Variants in NOL10 observed in about 807,000 individuals in gnomAD.
The protein encoded by NOL10 is nucleolar protein 10.
A neutral mutation model predicts 103.5 loss-of-function variants in NOL10; 58 were observed. The observed-to-expected ratio is 0.56, with a 90% CI of 0.45 to 0.70. NOL10 has a LOEUF of 0.70. NOL10 is among the 30% of genes least tolerant of loss of function. The pLI, the probability that NOL10 is intolerant of heterozygous loss-of-function variation, is 0.00. For missense variants in NOL10, 763 were observed against 807.3 expected, an observed-to-expected ratio of 0.95 and a Z score of 0.67; for synonymous variants, 287 against 282.5, an observed-to-expected ratio of 1.02 and a Z score of -0.16.
chr2:10,589,407 C>A (rs1675284706), intron 18 of NOL10, 117 bp from the exon 19 acceptor site: 1 of 1,381,880 alleles, frequency 7.2e-7, no homozygotes, highest in South Asian at 1.4e-5. Flanking sequence ...CTACTGCATG[C>A]ATCAGGAGAA....
At chr2:10,645,742 G>A (rs1035130398) in intron 12 of NOL10, among the ~76,000 whole-genome samples, 12 of 151,850 alleles carry the variant, frequency 7.9e-5, no homozygotes, top group Non-Finnish European at 1.3e-4. Context: ...TGTTAGCCAG[G>A]ACAGTCTCAA....
At chr2:10,643,267 T>C (rs1678840239) in intron 13 of NOL10, among the ~76,000 whole-genome samples, 1 of 152,210 alleles carries the variant, frequency 6.6e-6, no homozygotes, top group Non-Finnish European at 1.5e-5. Context: ...TGTGTGAAAA[T>C]ACATAACTGA....
intron 12 of NOL10, among the ~76,000 whole-genome samples, chr2:10,646,266 G>A (rs1679066733): frequency 6.6e-6 from 1 of 152,114 alleles, no homozygotes; most frequent in Admixed American, 6.5e-5. Context: ...ACAACCAAAA[G>A]GAAGGTTCCT....
In NOL10 at chr2:10,607,190, T is replaced by A. The variant is rs1339486606; in HGVS notation, c.1148A>T (p.Asn383Ile). ...YKFVTKKDLE[N>I]LGLTHLIGSP... ...CATCACAATTTTTTTTTTACCTAAA[T>A]TTTCAAGGTCTTTCTTGGTGACAAA... Residue 383 changes from asparagine to isoleucine, a missense_variant, in exon 14 of 21, where the codon AAT becomes ATT. By Grantham distance (149) the Asn-to-Ile change is moderately radical. Transcript: ENST00000381685. 13 of 1,555,182 alleles carry A rather than the reference T, an allele frequency of 8.4e-6. No individual in the cohort carries two copies. The highest frequency in any genetic ancestry group is 1.1e-5 in the Non-Finnish European group (13 of 1,150,648).
rs1675927888 is a variant in NOL10 at position 10,600,761 on chromosome 2, A to G, written c.1422+92T>C. ...ATACGCAGGAAAGAAAAAGTCCTAC[A>G]TGTATTTTTAAAGTAAAAAGAAACA... is the stretch of plus-strand genomic sequence containing the variant. On this transcript the variant is annotated intron_variant, in intron 17 of 20. Coordinates refer to ENST00000381685, the MANE Select transcript of NOL10 (RefSeq NM_024894.4). 1.2e-5 allele frequency: 10 copies of G among 832,206 alleles called. No individual in the cohort carries two copies. In the South Asian group the frequency reaches 1.6e-4, roughly 13 times the overall value. 51.6% of individuals were successfully genotyped at this position (832,206 alleles called of 1,614,324 possible). A position where few individuals can be genotyped will look rare whatever the true frequency, so the allele number is the denominator to read the frequency against.
chr2:10,688,703 A>G (rs1055840222), intron 1 of NOL10, among the ~76,000 whole-genome samples: 1 of 152,208 alleles, frequency 6.6e-6, no homozygotes, highest in Non-Finnish European at 1.5e-5. Context: ...CTTTTCCCCA[A>G]CAGGGAACCT....
At position 10,584,014 on chromosome 2, in the gene NOL10, G is replaced by A. The variant is rs1245117083; in HGVS notation, c.1844+5029C>T. On this transcript the variant is annotated intron_variant, in intron 19 of 20. Coordinates refer to ENST00000381685, the MANE Select transcript of NOL10 (RefSeq NM_024894.4). ...GATCGTGGCTTTCCAGTGCTTGCTCGGCTACCCCTTCAGGCACCCCATGCT... is the reference window on the plus strand; with the variant it reads ...GATCGTGGCTTTCCAGTGCTTGCTCAGCTACCCCTTCAGGCACCCCATGCT... Among the ~76,000 whole-genome samples the A allele has an allele frequency of 2.6e-5, 4 of 152,182 alleles. No homozygotes were observed. In the East Asian group the frequency reaches 5.8e-4, roughly 22 times the overall value.
intron 4 of NOL10, 43 bp downstream of exon 4, chr2:10,675,751 T>C (rs759880380): frequency 3.4e-6 from 4 of 1,167,654 alleles, no homozygotes; most frequent in East Asian, 5.0e-5. Flanking sequence ...GCAGACAACA[T>C]AAAAAGCCAT....
intron 3 of NOL10, among the ~76,000 whole-genome samples, chr2:10,676,209 C>T (rs1681296273): frequency 6.6e-6 from 1 of 152,214 alleles, no homozygotes. Context: ...TTCCCCTATA[C>T]TGTTGTTGAT....
rs574042367 is a variant in NOL10, at chr2:10,593,404, T to C, written c.1423-3653A>G. Among the ~76,000 whole-genome samples the C allele has an allele frequency of 1.4e-3, 218 of 152,294 alleles. 1 individual carries two copies. Among genetic ancestry groups the C allele is most frequent in the African/African-American group, 5.1e-3 (211 of 41,560 alleles). On this transcript the variant is annotated intron_variant, in intron 17 of 20. Transcript: ENST00000381685. ...CGCCTGCCTCGGCCTTCCAAAGTGC[T>C]GGGATTACAGGCGTGAGCCACTGCA...
rs1450691017 is a variant in NOL10 at position 10,587,098 on chromosome 2, C to CATATATATACATATATAT, written c.1844+1944_1844+1945insATATATATGTATATATAT. On this transcript the variant is annotated intron_variant, in intron 19 of 20. Coordinates refer to ENST00000381685, the MANE Select transcript of NOL10 (RefSeq NM_024894.4). Reference sequence around the variant, plus strand: ...ATATACATATATATACATATATATACACATATATATACATATATATACATA... The same window carrying CATATATATACATATATAT: ...ATATACATATATATACATATATATACATATATATACATATATATACATATATATACATATATATACATA... Among the ~76,000 whole-genome samples, 5 of 44,104 alleles carry CATATATATACATATATAT rather than the reference C, an allele frequency of 1.1e-4. 1 individual carries two copies. The highest frequency in any genetic ancestry group is 1.5e-4 in the African/African-American group (1 of 6,586). 28.9% of individuals were successfully genotyped at this position (44,104 alleles called of 152,430 possible). A position where few individuals can be genotyped will look rare whatever the true frequency, so the allele number is the denominator to read the frequency against.
intron 17 of NOL10, 125 bp downstream of exon 17, chr2:10,600,728 C>T: frequency 1.5e-6 from 1 of 658,778 alleles, no homozygotes; most frequent in Non-Finnish European, 2.7e-6. Flanking sequence ...TAAGCATATA[C>T]TAATCTTATA....
At chr2:10,674,521 A>T (rs1458788398) in intron 4 of NOL10, among the ~76,000 whole-genome samples, 1 of 152,086 alleles carries the variant, frequency 6.6e-6, no homozygotes, top group Non-Finnish European at 1.5e-5. Flanking sequence ...CAAAGGGGAG[A>T]TTTATAATCA....
At chr2:10,646,157 G>A (rs938869347) in intron 12 of NOL10, among the ~76,000 whole-genome samples, 4 of 152,142 alleles carry the variant, frequency 2.6e-5, no homozygotes, top group Admixed American at 1.3e-4. Context: ...TGCCTCTGCT[G>A]ATTGTGCTTC....
chr2:10,574,387 C>T (rs1429589799), intron 20 of NOL10, among the ~76,000 whole-genome samples: 2 of 152,126 alleles, frequency 1.3e-5, no homozygotes, highest in Admixed American at 6.5e-5. Context: ...GTGGCTTACA[C>T]CTGTAATCCC....
intron 20 of NOL10, among the ~76,000 whole-genome samples, chr2:10,575,484 T>C (rs576090192): frequency 6.6e-6 from 1 of 152,240 alleles, no homozygotes; most frequent in Admixed American, 6.5e-5. Flanking sequence ...CATCAAACAT[T>C]AATTGACACA....
At chr2:10,653,544 G>A (rs1397614565) in intron 12 of NOL10, among the ~76,000 whole-genome samples, 2 of 152,074 alleles carry the variant, frequency 1.3e-5, no homozygotes, top group Non-Finnish European at 2.9e-5. Flanking sequence ...ACAGCACACG[G>A]AGCCCAAGAC....
chr2:10,658,119 C>T (rs73167888), intron 10 of NOL10, among the ~76,000 whole-genome samples: 7,511 of 152,194 alleles, frequency 0.049, 431 homozygotes, highest in African/African-American at 0.14. Flanking sequence ...GTAAGAGCTA[C>T]TGAACATACT....
At chr2:10,666,616 G>A (rs904268804) in intron 8 of NOL10, among the ~76,000 whole-genome samples, 5 of 152,102 alleles carry the variant, frequency 3.3e-5, no homozygotes, top group East Asian at 3.9e-4. Context: ...GAGCCACTGC[G>A]CCTGGCCTGT....
Sources: allele counts gnomAD v4.1 joint callset (sites outside exome capture counted in the v4.1 genomes callset), GRCh38; gene constraint gnomAD v4.1.1; transcripts MANE v1.5; gene names NCBI Gene and HGNC (gene_info 2026-07-23, HGNC 2026-07-21).